Variants in NEB observed in about 807,000 individuals in gnomAD.
NEB encodes the protein nebulin, also known as nemaline myopathy type 2.
A neutral mutation model predicts 952.2 loss-of-function variants in NEB; 512 were observed. The observed-to-expected ratio is 0.54, with a 90% CI of 0.50 to 0.58. The LOEUF (loss-of-function observed/expected upper bound fraction) is 0.58. Ranked by LOEUF, NEB falls within the 20% of genes least tolerant of loss-of-function variation. The pLI is 0.00. For synonymous variants in NEB, 2,900 were observed against 3,149.8 expected, an observed-to-expected ratio of 0.92 and a Z score of 2.66; for missense variants, 8,428 against 9,231.1, an observed-to-expected ratio of 0.91 and a Z score of 3.56.
At chr2:151,568,223 A>C in intron 112 of NEB, 45 bp from the exon 113 acceptor site, 1 of 1,593,210 alleles carries the variant, frequency 6.3e-7, no homozygotes, top group Non-Finnish European at 8.6e-7. Flanking sequence ...AGGAGTCAGA[A>C]GGGAGGGGTA....
chr2:151,650,612 C>T lies in NEB; in HGVS notation c.7189G>A (p.Val2397Ile), dbSNP rs1191096947. The change falls in exon 53 of 182, where the codon GTT becomes ATT. Residue 2397 changes from valine (V) to isoleucine (I), a missense_variant. Val to Ile is a conservative substitution (Grantham distance 29). Transcript: ENST00000397345. Reference sequence around the variant, plus strand: ...TCATAAACTTTCTTAGCTTGCACAACATCGTTCTGATCAGGCAGACATGTC... The same window carrying T: ...TCATAAACTTTCTTAGCTTGCACAATATCGTTCTGATCAGGCAGACATGTC... ...QWTCLPDQND[V>I]VQAKKVYELQ... is the part of the protein sequence containing the mutation. The T allele has an allele frequency of 6.2e-7, 1 of 1,603,320 alleles. No homozygotes were observed. Among genetic ancestry groups the T allele is most frequent in the Non-Finnish European group, 8.5e-7 (1 of 1,174,192 alleles).
chr2:151,551,865 T>C lies in NEB; in HGVS notation c.19837-20A>G. On this transcript the variant is annotated intron_variant, in intron 128 of 181. Coordinates refer to ENST00000397345, the MANE Select transcript of NEB (RefSeq NM_001164508.2). ...GACAGCCTGGTGCAGAAAGAAGCAT[T>C]GTTAGAAGCAAAGAGAATGGGAACC... 6.4e-7 allele frequency: 1 copy of C among 1,566,164 alleles called. No individual in the cohort carries two copies. The highest frequency in any genetic ancestry group is 8.7e-7 in the Non-Finnish European group (1 of 1,144,312).
In NEB at chr2:151,531,113, A is replaced by G. The variant is rs2090462492; in HGVS notation, c.21523-12T>C. On this transcript the variant is annotated splice_polypyrimidine_tract_variant and intron_variant, in intron 144 of 181. Coordinates refer to ENST00000397345, the MANE Select transcript of NEB (RefSeq NM_001164508.2). ...AATTTATAAAGGATCTGAAAGATCA[A>G]AAAGCAGAAAGACATCATGTCATGC... 1 of 1,543,980 alleles carries G rather than the reference A, an allele frequency of 6.5e-7. No individual in the cohort carries two copies.
chr2:151,729,599 G>T lies in NEB; in HGVS notation c.78+16C>A, dbSNP rs369843963. The T allele has an allele frequency of 1.2e-6, 2 of 1,612,590 alleles. No homozygotes were observed. The highest frequency in any genetic ancestry group is 8.5e-7 in the Non-Finnish European group (1 of 1,178,878). ...TAATGAGAATGCAGTTTATGCAGCT[G>T]TGGGCTGGGCCTTACCTCTCCCGGC... On this transcript the variant is annotated intron_variant, in intron 4 of 181. Transcript: ENST00000397345.
At position 151,672,523 on chromosome 2, in the gene NEB, T is replaced by C. The variant is rs754636982; in HGVS notation, c.4145A>G (p.His1382Arg). 23 of 1,613,880 alleles carry C rather than the reference T, an allele frequency of 1.4e-5. No homozygotes were observed. The Admixed American group carries it at 1.5e-4, about 11-fold the overall frequency. Residue 1382 changes from histidine to arginine, a missense_variant, in exon 37 of 182, where the codon CAT (histidine) becomes CGT (arginine). Around this residue, in one of 11 missense-constraint regions of NEB, gnomAD observed 2,851 missense variants for 2,791.5 expected, o/e 1.02. Transcript: ENST00000397345. ...GATGCTAACCATGTCCCCAGGGGTA[T>C]GGTAGCTGGTTTTGGTGTTCTCATA... ...KNYENTKTSY[H>R]TPGDMVSITA...
At position 151,533,548 on chromosome 2, in the gene NEB, T is replaced by A. The variant is rs1212081578; in HGVS notation, c.21313-2A>T. ...CTTGGCACTAGATTTATATTTTCTC[T>A]GTCCATGCAAAGAGCAGTGAAGCAC... On this transcript the variant is annotated splice_acceptor_variant, in intron 142 of 181. Coordinates refer to ENST00000397345, the MANE Select transcript of NEB (RefSeq NM_001164508.2). LOFTEE classifies it high-confidence loss of function. The A allele has an allele frequency of 6.5e-7, 1 of 1,544,258 alleles. No homozygotes were observed. Among genetic ancestry groups the A allele is most frequent in the Admixed American group, 2.0e-5 (1 of 50,998 alleles).
rs1414651034 is a variant in NEB, at chr2:151,531,155, T to C, written c.21523-54A>G. ...ATGTCATGCTTCTCAATGTATAATA[T>C]CAAAATATAAATGCAAAGTTTTTTC... On this transcript the variant is annotated intron_variant, in intron 144 of 181. Coordinates refer to ENST00000397345, the MANE Select transcript of NEB (RefSeq NM_001164508.2). 4 of 1,188,240 alleles carry C rather than the reference T, an allele frequency of 3.4e-6. No homozygotes were observed. The African/African-American group carries it at 4.5e-5, about 13-fold the overall frequency. 73.6% of individuals were successfully genotyped at this position (1,188,240 alleles called of 1,614,324 possible).
intron 38 of NEB, among the ~76,000 whole-genome samples, chr2:151,670,086 C>A (rs2099267265): frequency 6.6e-6 from 1 of 152,176 alleles, no homozygotes; most frequent in Non-Finnish European, 1.5e-5. Context: ...AGTGAGTGTA[C>A]AGTTTGCCTA....
chr2:151,680,631 T>C (rs1351136793), intron 30 of NEB, 99 bp downstream of exon 30: 1 of 889,530 alleles, frequency 1.1e-6, no homozygotes, highest in Non-Finnish European at 1.7e-6. Flanking sequence ...TTGGGTCTCT[T>C]CATATTGTAT....
chr2:151,531,616 CACA>C (rs1238989961), intron 144 of NEB, among the ~76,000 whole-genome samples, 173 bp downstream of exon 144: 2 of 152,190 alleles, frequency 1.3e-5, no homozygotes, highest in East Asian at 3.9e-4. Context: ...CACGCCCGGC[CACA>C]ACAATTCTTT....
chr2:151,730,556 C>T lies in NEB; in HGVS notation c.37-900G>A, dbSNP rs545106602. Among the ~76,000 whole-genome samples, 291 of 142,288 alleles carry T rather than the reference C, an allele frequency of 2.0e-3. 6 individuals carry two copies. Among genetic ancestry groups the T allele is most frequent in the Non-Finnish European group, 1.2e-3 (79 of 66,866 alleles). 93.3% of individuals were successfully genotyped at this position (142,288 alleles called of 152,430 possible). On this transcript the variant is annotated intron_variant, in intron 3 of 181. Transcript: ENST00000397345. The stretch of plus-strand genomic sequence containing the variant: ...TGTAGGGTGAACAGAAGGAGAGGCT[C>T]GTTTAGGCCAAGCACATGAGGAAAG...
intron 74 of NEB, 83 bp downstream of exon 74, chr2:151,618,192 C>T: frequency 1.6e-6 from 2 of 1,254,132 alleles, no homozygotes; most frequent in Non-Finnish European, 2.3e-6. Flanking sequence ...TTATTATTAT[C>T]TTTAAAATGC....
At chr2:151,491,290 A>G (rs2056424319) in intron 179 of NEB, 3 of 167,058 alleles carry the variant, frequency 1.8e-5, no homozygotes, top group Non-Finnish European at 3.9e-5. Context: ...GAAGTTGTGC[A>G]GCCTGCTTTG....
Position 151,644,092 on chromosome 2 carries a change from T to C in NEB, c.7682A>G (p.His2561Arg). 1 of 1,613,958 alleles carries C rather than the reference T, an allele frequency of 6.2e-7. No individual in the cohort carries two copies. The highest frequency in any genetic ancestry group is 1.3e-5 in the African/African-American group (1 of 75,044). The part of the protein sequence containing the change: ...YKEGFRKQLG[H>R]HIGARNIEDD... ...TTCAATGTTCCGGGCACCAATGTGGTGGCCGAGCTGCTTGCGAAAGCCTTC... is the reference window on the plus strand; with the variant it reads ...TTCAATGTTCCGGGCACCAATGTGGCGGCCGAGCTGCTTGCGAAAGCCTTC... Residue 2561 changes from histidine (H) to arginine (R), a missense_variant, in exon 57 of 182, where the codon CAC becomes CGC. Transcript: ENST00000397345.
chr2:151,526,833 A>T, intron 148 of NEB, 85 bp downstream of exon 148: 1 of 1,016,456 alleles, frequency 9.8e-7, no homozygotes, highest in South Asian at 1.4e-5. Context: ...GCTCTTCTCC[A>T]TCCTTCCCTG....
At chr2:151,638,472 T>C (rs1180117671) in intron 63 of NEB, among the ~76,000 whole-genome samples, 2 of 152,204 alleles carry the variant, frequency 1.3e-5, no homozygotes, top group African/African-American at 2.4e-5. Context: ...GCTCTCCATC[T>C]CTGGGGGTTG....
At position 151,675,340 on chromosome 2, in the gene NEB, G is replaced by C. The variant is rs34234609; in HGVS notation, c.3826C>G (p.Pro1276Ala). Residue 1276 changes from proline (P) to alanine (A), a missense_variant, in exon 35 of 182, where the codon CCT (proline) becomes GCT (alanine). Transcript: ENST00000397345. ...GCCTGGAGAAACTGAGGAAGATCAG[G>C]ACTCATGGTGTATTTATGTTTCACA... Reference protein sequence around the residue: ...EDVKHKYTMSPDLPQFLQAKC... With the variant: ...EDVKHKYTMSADLPQFLQAKC... 2 of 1,594,712 alleles carry C rather than the reference G, an allele frequency of 1.3e-6. No individual in the cohort carries two copies. The highest frequency in any genetic ancestry group is 1.7e-6 in the Non-Finnish European group (2 of 1,169,088).
chr2:151,518,522 G>C, intron 155 of NEB, 100 bp from the exon 156 acceptor site: 2 of 749,486 alleles, frequency 2.7e-6, no homozygotes, highest in Non-Finnish European at 4.6e-6. Flanking sequence ...CCATTGTCAA[G>C]ATCAAACTAA....
At chr2:151,591,579 TG>T in intron 95 of NEB, 124 bp from the exon 96 acceptor site, 1 of 849,884 alleles carries the variant, frequency 1.2e-6, no homozygotes, top group Non-Finnish European at 1.9e-6. Flanking sequence ...TTAAGATTTA[TG>T]AAAGAGTCTG....
Sources: allele counts gnomAD v4.1 joint callset (sites outside exome capture counted in the v4.1 genomes callset), GRCh38; gene constraint gnomAD v4.1.1; regional missense constraint gnomAD v4.1.1; transcripts MANE v1.5; gene names NCBI Gene and HGNC (gene_info 2026-07-23, HGNC 2026-07-21).